RBFOX1: variants seen among roughly 807,000 people sequenced by gnomAD.
The protein encoded by RBFOX1 is RNA binding protein fox-1 homolog 1.
Under a neutral mutation model 57.7 loss-of-function variants are expected in RBFOX1, and 8 were observed. That is an observed-to-expected ratio of 0.14 (90% CI 0.08 to 0.25). RBFOX1 has a LOEUF of 0.25. Among genes scored for constraint, RBFOX1 ranks in the 10% least tolerant of loss-of-function variants. The pLI is 1.00. For missense variants in RBFOX1, 611 were observed against 548.5 expected (o/e 1.11, Z -1.14); for synonymous variants, 326 against 222.4 (o/e 1.47, Z -4.15).
intron 1 of RBFOX1, among the ~76,000 whole-genome samples, chr16:6,182,349 T>C (rs991169468): frequency 6.6e-6 from 1 of 152,226 alleles, no homozygotes. Context: ...ACATAAATAA[T>C]ACGACCTACC....
At chr16:5,608,445 G>A (rs184502454) in intron 3 of RBFOX1, among the ~76,000 whole-genome samples, 10 of 152,322 alleles carry the variant, frequency 6.6e-5, no homozygotes, top group African/African-American at 2.2e-4. Context: ...TGGGAACCAG[G>A]CTGCAGCCTT....
At chr16:6,233,433 C>T (rs185042143) in intron 1 of RBFOX1, among the ~76,000 whole-genome samples, 11 of 152,190 alleles carry the variant, frequency 7.2e-5, no homozygotes, top group East Asian at 3.9e-4. Flanking sequence ...ACCTCCACAC[C>T]GCAACCCAAA....
At chr16:5,440,529 T>G (rs1388648699) in intron 1 of RBFOX1, among the ~76,000 whole-genome samples, 1 of 152,198 alleles carries the variant, frequency 6.6e-6, no homozygotes, top group African/African-American at 2.4e-5. Flanking sequence ...GGCATTTAAT[T>G]TTTCCAGGAG....
chr16:5,376,878 C>A (rs2065998242), intron 1 of RBFOX1, among the ~76,000 whole-genome samples: 1 of 150,224 alleles, frequency 6.7e-6, no homozygotes, highest in Non-Finnish European at 1.5e-5. Flanking sequence ...GCGTCATCTC[C>A]AAGTGGCCCC....
chr16:5,686,162 A>G (rs979056278), intron 3 of RBFOX1, among the ~76,000 whole-genome samples: 2 of 152,174 alleles, frequency 1.3e-5, no homozygotes, highest in African/African-American at 2.4e-5. Flanking sequence ...TACTCAATGT[A>G]CCAAGCAACA....
intron 3 of RBFOX1, among the ~76,000 whole-genome samples, chr16:5,742,069 C>A (rs1487169286): frequency 6.6e-6 from 1 of 152,134 alleles, no homozygotes; most frequent in Non-Finnish European, 1.5e-5. Flanking sequence ...ATGCTATATC[C>A]ATATAATGAG....
intron 1 of RBFOX1, among the ~76,000 whole-genome samples, chr16:6,075,328 A>ACT (rs1215264469): frequency 9.9e-5 from 15 of 152,216 alleles, no homozygotes; most frequent in Non-Finnish European, 2.1e-4. Context: ...ATAGAGAAAT[A>ACT]CTCATTTATT....
At chr16:6,692,523 C>T (rs558791533) in intron 3 of RBFOX1, among the ~76,000 whole-genome samples, 1 of 152,268 alleles carries the variant, frequency 6.6e-6, no homozygotes, top group East Asian at 1.9e-4. Context: ...GTGTCGGCCT[C>T]CTGGTTCCTC....
At chr16:7,499,580 A>T (rs1181425087) in intron 4 of RBFOX1, among the ~76,000 whole-genome samples, 1 of 152,224 alleles carries the variant, frequency 6.6e-6, no homozygotes, top group African/African-American at 2.4e-5. Flanking sequence ...CATTGACTGG[A>T]TTCCAAGAAT....
At chr16:6,812,802 T>C (rs886897049) in intron 3 of RBFOX1, among the ~76,000 whole-genome samples, 2 of 152,126 alleles carry the variant, frequency 1.3e-5, no homozygotes, top group Admixed American at 6.5e-5. Flanking sequence ...GACCTCCTGT[T>C]TTACTCCATT....
At chr16:7,001,266 G>A (rs886957051) in intron 3 of RBFOX1, among the ~76,000 whole-genome samples, 1 of 152,072 alleles carries the variant, frequency 6.6e-6, no homozygotes, top group Admixed American at 6.6e-5. Flanking sequence ...TTGTTCAGAT[G>A]GATGGAGAGA....
intron 4 of RBFOX1, among the ~76,000 whole-genome samples, chr16:7,325,213 G>C (rs995750309): frequency 1.3e-5 from 2 of 152,186 alleles, no homozygotes; most frequent in Admixed American, 6.5e-5. Context: ...AAACACTGCA[G>C]TATACTGTAC....
intron 3 of RBFOX1, among the ~76,000 whole-genome samples, chr16:5,841,063 T>G (rs780093839): frequency 6.6e-6 from 1 of 152,214 alleles, no homozygotes; most frequent in Admixed American, 6.5e-5. Context: ...CTCTCCCTAG[T>G]GGAGCTGAGG....
intron 3 of RBFOX1, among the ~76,000 whole-genome samples, chr16:6,657,744 C>A (rs773519684): frequency 6.6e-6 from 1 of 152,086 alleles, no homozygotes; most frequent in Non-Finnish European, 1.5e-5. Flanking sequence ...GTCTCTGAAG[C>A]GGCAGCCTCT....
At chr16:6,946,323 A>G (rs1418625334) in intron 3 of RBFOX1, among the ~76,000 whole-genome samples, 1 of 152,236 alleles carries the variant, frequency 6.6e-6, no homozygotes, top group Non-Finnish European at 1.5e-5. Context: ...CTTTATTTAC[A>G]AAAATAGTCA....
chr16:6,912,732 C>T (rs543752178), intron 3 of RBFOX1, among the ~76,000 whole-genome samples: 1 of 151,952 alleles, frequency 6.6e-6, no homozygotes, highest in African/African-American at 2.4e-5. Flanking sequence ...AGCCTACTAC[C>T]TCAGCCTACT....
intron 4 of RBFOX1, among the ~76,000 whole-genome samples, chr16:7,186,717 C>G (rs1016255483): frequency 2.7e-5 from 4 of 149,222 alleles, no homozygotes; most frequent in African/African-American, 7.3e-5. Context: ...ATCTAGGAAT[C>G]TTTGTGTCCT....
intron 4 of RBFOX1, among the ~76,000 whole-genome samples, chr16:5,945,515 C>T (rs2059383774): frequency 6.6e-6 from 1 of 152,200 alleles, no homozygotes; most frequent in East Asian, 1.9e-4. Context: ...GTCTGACTTG[C>T]TTATTTTAAT....
chr16:5,493,148 A>G (rs893821809), intron 2 of RBFOX1, among the ~76,000 whole-genome samples: 7 of 152,228 alleles, frequency 4.6e-5, no homozygotes, highest in African/African-American at 1.7e-4. Flanking sequence ...TTGACACCTT[A>G]CTTAGATGGT....
Sources: gnomAD v4.1 joint callset for allele counts (sites outside exome capture counted in the v4.1 genomes callset) on GRCh38, gnomAD v4.1.1 for gene constraint, MANE v1.5 for transcripts, NCBI Gene and HGNC (gene_info 2026-07-23, HGNC 2026-07-21) for gene names.